HSD17B7: variants seen among roughly 807,000 people sequenced by gnomAD.
HSD17B7 encodes the protein 3-keto-steroid reductase/17-beta-hydroxysteroid dehydrogenase 7.
A neutral mutation model predicts 34.1 loss-of-function variants in HSD17B7; 17 were observed. The observed-to-expected ratio is 0.50, with a 90% CI of 0.34 to 0.75. The LOEUF is 0.75. Among genes scored for constraint, HSD17B7 ranks in the 30% least tolerant of loss-of-function variants. The pLI is 0.01. For synonymous variants in HSD17B7, 122 were observed against 154.6 expected (o/e 0.79, Z 1.56); for missense variants, 296 against 406.6 (o/e 0.73, Z 2.34).
chr1:162,811,902 C>T (rs1466622840), intron 8 of HSD17B7, among the ~76,000 whole-genome samples: 1 of 152,230 alleles, frequency 6.6e-6, no homozygotes, highest in Non-Finnish European at 1.5e-5. Flanking sequence ...GTGAGCCCAG[C>T]TAAAACCAGG....
At position 162,812,227 on chromosome 1, in the gene HSD17B7, C is replaced by T; in HGVS notation, c.904-71C>T. The T allele has an allele frequency of 3.3e-6, 5 of 1,519,008 alleles. No homozygotes were observed. In the East Asian group the frequency reaches 7.2e-5, roughly 22 times the overall value. 94.1% of individuals were successfully genotyped at this position (1,519,008 alleles called of 1,614,324 possible). ...TCTTTTTATTTCATATATTGAATGC[C>T]TTTTTTTTATACAAATACTATTCAT... On this transcript the variant is annotated intron_variant, in intron 8 of 8. Coordinates refer to ENST00000254521, the MANE Select transcript of HSD17B7 (RefSeq NM_016371.4).
At position 162,794,227 on chromosome 1, in the gene HSD17B7, T is replaced by C. The variant is rs531050762; in HGVS notation, c.239+1365T>C. 5.3e-5 allele frequency among the ~76,000 whole-genome samples: 8 copies of C among 152,302 alleles called. No individual in the cohort carries two copies. The South Asian group carries it at 1.4e-3, about 28-fold the overall frequency. Reference sequence around the variant, plus strand: ...AGAACTACCTTGTTTCCTTGGACAGTAGAATGAAATGGGTAGAAACAAGGA... The same window carrying C: ...AGAACTACCTTGTTTCCTTGGACAGCAGAATGAAATGGGTAGAAACAAGGA... On this transcript the variant is annotated intron_variant, in intron 2 of 8. Transcript: ENST00000254521.
At chr1:162,809,879 T>C (rs907317228) in intron 8 of HSD17B7, among the ~76,000 whole-genome samples, 1 of 152,184 alleles carries the variant, frequency 6.6e-6, no homozygotes, top group Non-Finnish European at 1.5e-5. Flanking sequence ...ATCAATTTTG[T>C]TGATCTTTTC....
rs1481846483 is a variant in HSD17B7, at chr1:162,810,876, C to T, written c.904-1422C>T. Among the ~76,000 whole-genome samples, 10 of 152,272 alleles carry T rather than the reference C, an allele frequency of 6.6e-5. No individual in the cohort carries two copies. The South Asian group carries it at 2.1e-3, about 32-fold the overall frequency. On this transcript the variant is annotated intron_variant, in intron 8 of 8. Coordinates refer to ENST00000254521, the MANE Select transcript of HSD17B7 (RefSeq NM_016371.4). ...TGAAATGGGTCTCCTGAATATAGCACACTGATGGGTCTTGACTCTTTATCC... is the reference window on the plus strand; with the variant it reads ...TGAAATGGGTCTCCTGAATATAGCATACTGATGGGTCTTGACTCTTTATCC...
chr1:162,797,281 C>T, intron 3 of HSD17B7: 1 of 159,450 alleles, frequency 6.3e-6, no homozygotes, highest in Non-Finnish European at 1.4e-5. Flanking sequence ...CAGACACACA[C>T]ACACACTCTC....
chr1:162,802,580 T>C (rs1648847841), intron 5 of HSD17B7, among the ~76,000 whole-genome samples: 2 of 152,208 alleles, frequency 1.3e-5, no homozygotes. Flanking sequence ...TGTCTGTCCA[T>C]TGAACTGTCT....
At position 162,799,780 on chromosome 1, in the gene HSD17B7, A is replaced by G. The variant is rs528471207; in HGVS notation, c.485A>G (p.Asn162Ser). 9.0e-5 allele frequency: 145 copies of G among 1,613,912 alleles called. No homozygotes were observed. The South Asian group carries it at 1.3e-3, about 15-fold the overall frequency. Residue 162 changes from asparagine to serine, a missense_variant, in exon 5 of 9, where the codon AAT (asparagine) becomes AGT (serine). Transcript: ENST00000254521. The part of the protein sequence containing the change: ...ELEPLLCHSD[N>S]PSQLIWTSSR... ...GAGCCTCTCCTCTGTCACAGTGACA[A>G]TCCATCTCAGCTCATCTGGACATCA... is the stretch of plus-strand genomic sequence containing the variant.
rs779981867 is a variant in HSD17B7 at position 162,790,821 on chromosome 1, C to A, written c.21C>A (p.Ile7=). The change falls in exon 1 of 9, where the codon ATC becomes ATA. Residue 7 remains isoleucine, a synonymous_variant. Coordinates refer to ENST00000254521, the MANE Select transcript of HSD17B7 (RefSeq NM_016371.4). ...CGAAGATGCGAAAGGTGGTTTTGAT[C>A]ACCGGGGCTAGCAGGTGAGGCCTCC... is the stretch of plus-strand genomic sequence containing the variant. MRKVVL[I]TGASSGIGLA... 1.3e-5 allele frequency: 21 copies of A among 1,613,844 alleles called. No individual in the cohort carries two copies. In the East Asian group the frequency reaches 4.2e-4, roughly 33 times the overall value.
chr1:162,794,360 G>A (rs1386379064), intron 2 of HSD17B7, among the ~76,000 whole-genome samples: 2 of 152,056 alleles, frequency 1.3e-5, no homozygotes, highest in African/African-American at 4.8e-5. Flanking sequence ...CAAAGTGAAA[G>A]CTAGTTTTCT....
chr1:162,801,898 T>C (rs959834768), intron 5 of HSD17B7, among the ~76,000 whole-genome samples: 2 of 152,236 alleles, frequency 1.3e-5, no homozygotes, highest in Admixed American at 1.3e-4. Context: ...AATTATCAAG[T>C]GAGCTTTGGG....
chr1:162,792,774 T>A lies in HSD17B7; in HGVS notation c.151T>A (p.Ser51Thr). ...AGCTGTCTGTGCTGCTCTGCTGGCC[T>A]CTCACCCCACTGCTGAGGTCACCAT... Reference protein sequence around the residue: ...AEAVCAALLASHPTAEVTIVQ... With the variant: ...AEAVCAALLATHPTAEVTIVQ... The change falls in exon 2 of 9, where the codon TCT becomes ACT. Residue 51 changes from serine to threonine, a missense_variant. Ser to Thr is a moderately conservative substitution (Grantham distance 58, BLOSUM62 1). Coordinates refer to ENST00000254521, the MANE Select transcript of HSD17B7 (RefSeq NM_016371.4). The A allele has an allele frequency of 6.2e-7, 1 of 1,614,230 alleles. No homozygotes were observed. The highest frequency in any genetic ancestry group is 1.1e-5 in the South Asian group (1 of 91,080).
chr1:162,804,046 A>G (rs1648902829), intron 6 of HSD17B7, among the ~76,000 whole-genome samples: 2 of 152,242 alleles, frequency 1.3e-5, no homozygotes, highest in African/African-American at 4.8e-5. Context: ...TAGGGCAGGC[A>G]TAAAGTAAAG....
chr1:162,798,539 G>C (rs1024594899), intron 4 of HSD17B7: 1 of 153,138 alleles, frequency 6.5e-6, no homozygotes, highest in African/African-American at 2.4e-5. Context: ...GAAGGCCACA[G>C]AGGTAAAGTG....
intron 5 of HSD17B7, among the ~76,000 whole-genome samples, chr1:162,802,188 A>G (rs1571004621): frequency 6.6e-6 from 1 of 152,210 alleles, no homozygotes; most frequent in African/African-American, 2.4e-5. Flanking sequence ...AATTAAACAA[A>G]TGGAAGGATA....
At chr1:162,792,954 AC>A in intron 2 of HSD17B7, 92 bp downstream of exon 2, 1 of 1,273,094 alleles carries the variant, frequency 7.9e-7, no homozygotes, top group Non-Finnish European at 1.1e-6. Context: ...CTGAAAAGAA[AC>A]AGGTGCGGTG....
intron 5 of HSD17B7, chr1:162,803,078 T>A (rs1648865878): frequency 5.6e-6 from 1 of 177,642 alleles, no homozygotes; most frequent in Non-Finnish European, 1.2e-5. Context: ...ATGCTCATTA[T>A]GATTAAAAAG....
At chr1:162,797,964 C>T (rs1558093631) in intron 4 of HSD17B7, 48 bp downstream of exon 4, 1 of 1,600,656 alleles carries the variant, frequency 6.2e-7, no homozygotes. Context: ...GTGATAGTTT[C>T]TGTAAAGCTC....
intron 5 of HSD17B7, among the ~76,000 whole-genome samples, chr1:162,801,801 C>G (rs1648825142): frequency 6.6e-6 from 1 of 152,092 alleles, no homozygotes; most frequent in African/African-American, 2.4e-5. Flanking sequence ...AAACTTGTCA[C>G]AACTGCTTCC....
intron 8 of HSD17B7, among the ~76,000 whole-genome samples, chr1:162,806,892 G>C (rs1363754704): frequency 3.3e-5 from 5 of 152,202 alleles, no homozygotes; most frequent in Non-Finnish European, 5.9e-5. Context: ...GGTTGAACTA[G>C]AAGAGTTCTG....
Sources: allele counts gnomAD v4.1 joint callset (sites outside exome capture counted in the v4.1 genomes callset), GRCh38; gene constraint gnomAD v4.1.1; transcripts MANE v1.5; gene names NCBI Gene and HGNC (gene_info 2026-07-23, HGNC 2026-07-21).